The following KCMF1 variants were observed in gnomAD, a reference collection of about 807,000 sequenced individuals.
The protein encoded by KCMF1 is E3 ubiquitin-protein ligase KCMF1.
KCMF1 carries 3 observed loss-of-function variants against 41.1 expected under a neutral mutation model. The ratio of observed to expected loss-of-function variants is 0.07; its 90% CI spans 0.03 to 0.19. The LOEUF is 0.19. Among genes scored for constraint, KCMF1 ranks in the 10% least tolerant of loss-of-function variants. KCMF1 has a pLI of 1.00. For synonymous variants in KCMF1, 142 were observed against 164.5 expected, an observed-to-expected ratio of 0.86 and a Z score of 1.04; for missense variants, 286 against 488.9, an observed-to-expected ratio of 0.58 and a Z score of 3.91.
chr2:85,049,309 G>A (rs1675747911), intron 5 of KCMF1, 57 bp from the exon 6 acceptor site: 1 of 1,535,404 alleles, frequency 6.5e-7, no homozygotes, highest in East Asian at 2.3e-5. Flanking sequence ...GTGATCTGTA[G>A]CGTTTTGTTT....
intron 1 of KCMF1, among the ~76,000 whole-genome samples, chr2:85,005,790 A>G (rs1228513406): frequency 6.6e-6 from 1 of 152,178 alleles, no homozygotes; most frequent in Non-Finnish European, 1.5e-5. Flanking sequence ...GATTATAGGC[A>G]TAAGCCACCA....
At chr2:84,977,320 A>G (rs982702261) in intron 1 of KCMF1, among the ~76,000 whole-genome samples, 2 of 152,210 alleles carry the variant, frequency 1.3e-5, no homozygotes, top group African/African-American at 4.8e-5. Flanking sequence ...TTGCCTCCCT[A>G]TAGAAATGTA....
intron 2 of KCMF1, 52 bp from the exon 3 acceptor site, chr2:85,034,964 T>G: frequency 6.9e-7 from 1 of 1,455,144 alleles, no homozygotes; most frequent in Middle Eastern, 1.8e-4. Context: ...GATTACATTT[T>G]TATATGTTTA....
chr2:84,983,608 A>C (rs1389781638), intron 1 of KCMF1, among the ~76,000 whole-genome samples: 1 of 152,162 alleles, frequency 6.6e-6, no homozygotes, highest in African/African-American at 2.4e-5. Flanking sequence ...CCTGGGTTCA[A>C]GCAATTCTCC....
At chr2:85,001,828 G>A (rs1178873628) in intron 1 of KCMF1, among the ~76,000 whole-genome samples, 2 of 152,110 alleles carry the variant, frequency 1.3e-5, no homozygotes, top group African/African-American at 2.4e-5. Context: ...TTTCATAATC[G>A]TGTGAATATC....
intron 1 of KCMF1, among the ~76,000 whole-genome samples, chr2:85,011,168 A>G (rs1428884719): frequency 1.2e-4 from 18 of 152,056 alleles, no homozygotes; most frequent in Admixed American, 1.2e-3. Context: ...ATTTATCTTG[A>G]TGCTCAAATT....
intron 6 of KCMF1, among the ~76,000 whole-genome samples, chr2:85,050,523 A>G (rs953183171): frequency 3.9e-5 from 6 of 152,190 alleles, no homozygotes; most frequent in Non-Finnish European, 5.9e-5. Context: ...ACTGTTAGCA[A>G]CTGCATGTAT....
At chr2:85,045,950 CATAG>C (rs1470914471) in intron 4 of KCMF1, among the ~76,000 whole-genome samples, 150 bp from the exon 5 acceptor site, 1 of 152,170 alleles carries the variant, frequency 6.6e-6, no homozygotes, top group Non-Finnish European at 1.5e-5. Flanking sequence ...TAATAGCCCT[CATAG>C]ATAGAGTTGG....
At chr2:85,035,583 A>G (rs755203989) in intron 3 of KCMF1, among the ~76,000 whole-genome samples, 12 of 152,332 alleles carry the variant, frequency 7.9e-5, no homozygotes, top group South Asian at 2.1e-4. Context: ...ATCTCATTGT[A>G]GCATATCGCT....
At chr2:85,019,059 TTAAATAG>T (rs1166356389) in intron 1 of KCMF1, among the ~76,000 whole-genome samples, 1 of 152,124 alleles carries the variant, frequency 6.6e-6, no homozygotes, top group Non-Finnish European at 1.5e-5. Context: ...TTTTAATATC[TTAAATAG>T]AGTGTACTGA....
chr2:84,991,681 C>G (rs1279180821), intron 1 of KCMF1, among the ~76,000 whole-genome samples: 2 of 152,160 alleles, frequency 1.3e-5, no homozygotes, highest in African/African-American at 4.8e-5. Context: ...TATTTTAGTC[C>G]ATTTCTCTCC....
At chr2:84,990,408 T>A (rs908390038) in intron 1 of KCMF1, among the ~76,000 whole-genome samples, 48 of 152,048 alleles carry the variant, frequency 3.2e-4, no homozygotes, top group Admixed American at 1.8e-3. Context: ...AAGAGGAACT[T>A]CTTCTCACTC....
chr2:85,004,825 C>CTATTTATT (rs555917547), intron 1 of KCMF1, among the ~76,000 whole-genome samples: 150 of 151,776 alleles, frequency 9.9e-4, no homozygotes, highest in African/African-American at 3.6e-3. Context: ...GACTGTAGGC[C>CTATTTATT]TATTTATTTA....
intron 1 of KCMF1, among the ~76,000 whole-genome samples, chr2:85,008,335 A>C (rs372108458): frequency 0.36 from 4,739 of 13,304 alleles, 598 homozygotes; most frequent in Middle Eastern, 0.67. Flanking sequence ...TATAATATAT[A>C]ATATGATATA....
rs2104080527 is a variant in KCMF1, at chr2:85,057,969, GTTAAC to G, written c.*4563_*4567del. On this transcript the variant is annotated 3_prime_UTR_variant, in exon 7 of 7. Transcript: ENST00000409785. ...TCCTCATGTTAACTTTAGTAAGTCA[GTTAAC>G]TTTACAGCAACTAAAGAGATCAATT... 6.6e-6 allele frequency: 1 copy of G among 152,334 alleles called. No individual in the cohort carries two copies. Among genetic ancestry groups the G allele is most frequent in the South Asian group, 2.1e-4 (1 of 4,834 alleles). The allele number at this position is 152,334 out of a possible 1,614,324, so 9.4% of individuals were successfully genotyped here. A position where few individuals can be genotyped will look rare whatever the true frequency, so the allele number is the denominator to read the frequency against.
In KCMF1 at chr2:85,053,797, G is replaced by A. The variant is rs373106889; in HGVS notation, c.*388G>A. The A allele has an allele frequency of 6.2e-6, 1 of 160,464 alleles. No homozygotes were observed. The highest frequency in any genetic ancestry group is 1.4e-5 in the Non-Finnish European group (1 of 73,698). 9.9% of individuals were successfully genotyped at this position (160,464 alleles called of 1,614,324 possible). A position where few individuals can be genotyped will look rare whatever the true frequency, so the allele number is the denominator to read the frequency against. ...ACTACTGCATGAGGTTTTTTGCAGC[G>A]TGCATGAGTTTTAGTGACCTTGTTA... On this transcript the variant is annotated 3_prime_UTR_variant, in exon 7 of 7. Transcript: ENST00000409785.
chr2:84,997,538 G>A (rs1411243617), intron 1 of KCMF1, among the ~76,000 whole-genome samples: 3 of 152,044 alleles, frequency 2.0e-5, no homozygotes, highest in African/African-American at 4.8e-5. Flanking sequence ...TAAGAGGAAG[G>A]CATCATATTA....
intron 4 of KCMF1, among the ~76,000 whole-genome samples, chr2:85,044,378 T>C (rs924097056): frequency 4.6e-5 from 7 of 151,152 alleles, no homozygotes; most frequent in African/African-American, 1.5e-4. Context: ...TTCTTTTCTT[T>C]TCTTTTTTTT....
chr2:85,004,252 C>T lies in KCMF1; in HGVS notation c.17-23637C>T, dbSNP rs994754080. ...TGGGGCGGGGCGTGGTGGCTCACAC[C>T]TGTAATCCCAGCACTTTGGGAGGCC... On this transcript the variant is annotated intron_variant, in intron 1 of 6. Transcript: ENST00000409785. Among the ~76,000 whole-genome samples, 20 of 152,170 alleles carry T rather than the reference C, an allele frequency of 1.3e-4. 1 individual carries two copies. Among genetic ancestry groups the T allele is most frequent in the Non-Finnish European group, 2.5e-4 (17 of 68,036 alleles).
Sources: gnomAD v4.1 joint callset for allele counts (sites outside exome capture counted in the v4.1 genomes callset) on GRCh38, gnomAD v4.1.1 for gene constraint, MANE v1.5 for transcripts, NCBI Gene and HGNC (gene_info 2026-07-23, HGNC 2026-07-21) for gene names.